Variants in SHE observed in about 807,000 individuals in gnomAD.
The protein encoded by SHE is SH2 domain-containing adapter protein E.
SHE carries 11 observed loss-of-function variants against 49.8 expected under a neutral mutation model. The ratio of observed to expected loss-of-function variants is 0.22; its 90% CI spans 0.14 to 0.37. The LOEUF (loss-of-function observed/expected upper bound fraction) is 0.37, where lower values mean the gene tolerates loss of function less well. Among genes scored for constraint, SHE ranks in the 10% least tolerant of loss-of-function variants. The probability of loss-of-function intolerance (pLI) is 1.00; values close to 1 mark genes in which losing one functional copy is unlikely to be tolerated. For synonymous variants in SHE, 310 were observed against 278.1 expected (o/e 1.11, Z -1.14); for missense variants, 624 against 655.5 (o/e 0.95, Z 0.52).
At chr1:154,500,012 G>A (rs971796796) in intron 1 of SHE, among the ~76,000 whole-genome samples, 2 of 152,090 alleles carry the variant, frequency 1.3e-5, no homozygotes, top group African/African-American at 4.8e-5. Flanking sequence ...GGAAGCTCCA[G>A]GCCTTGCTCC....
downstream of SHE, among the ~76,000 whole-genome samples, chr1:154,475,146 G>A (rs1326430227): frequency 6.6e-6 from 1 of 152,154 alleles, no homozygotes; most frequent in Non-Finnish European, 1.5e-5. Flanking sequence ...AGGTGGGAGG[G>A]AGGCCGCCTT....
chr1:154,487,191 G>C (rs1692205920), intron 3 of SHE, among the ~76,000 whole-genome samples: 1 of 149,738 alleles, frequency 6.7e-6, no homozygotes, highest in Non-Finnish European at 1.5e-5. Flanking sequence ...AGAATCACTT[G>C]AACCCGGGAG....
At chr1:154,488,223 G>A (rs891209636) in intron 3 of SHE, among the ~76,000 whole-genome samples, 1 of 151,430 alleles carries the variant, frequency 6.6e-6, no homozygotes, top group African/African-American at 2.4e-5. Context: ...TTACAGGCAT[G>A]AGCCACCACA....
chr1:154,470,750 G>A (rs906445269), intron 1 of SHE, among the ~76,000 whole-genome samples: 1 of 152,200 alleles, frequency 6.6e-6, no homozygotes, highest in African/African-American at 2.4e-5. Flanking sequence ...TGAGGCAGGA[G>A]AATCGCTTGA....
At position 154,480,837 on chromosome 1, in the gene SHE, T is replaced by C. The variant is rs1691999380; in HGVS notation, c.*3312A>G. The C allele has an allele frequency of 1.0e-6, 1 of 985,402 alleles. No individual in the cohort carries two copies. Among genetic ancestry groups the C allele is most frequent in the Non-Finnish European group, 1.2e-6 (1 of 829,918 alleles). 61.0% of individuals were successfully genotyped at this position (985,402 alleles called of 1,614,324 possible). A position where few individuals can be genotyped will look rare whatever the true frequency, so the allele number is the denominator to read the frequency against. On this transcript the variant is annotated 3_prime_UTR_variant, in exon 6 of 6. Transcript: ENST00000304760. ...GATACAACTATGGTATCAAAGTAAA[T>C]AGCAAGGTCCTTTACTCTCTCTTCT...
downstream of SHE, among the ~76,000 whole-genome samples, chr1:154,475,868 C>T (rs1428067964): frequency 6.6e-6 from 1 of 151,992 alleles, no homozygotes; most frequent in Admixed American, 6.6e-5. Flanking sequence ...CTCCACCTCC[C>T]GGTTGGAGGT....
chr1:154,478,080 G>A (rs897540365), downstream of SHE, among the ~76,000 whole-genome samples: 2 of 152,046 alleles, frequency 1.3e-5, no homozygotes, highest in Admixed American at 6.6e-5. Flanking sequence ...TTCACTCAGC[G>A]TAATGGTCTG....
intron 1 of SHE, among the ~76,000 whole-genome samples, chr1:154,471,518 G>A (rs1691742051): frequency 6.6e-6 from 1 of 151,938 alleles, no homozygotes; most frequent in African/African-American, 2.4e-5. Flanking sequence ...AGGTTATAGT[G>A]AGCCATAATT....
rs1246830452 is a variant in SHE, at chr1:154,482,685, C to T, written c.*1464G>A. On this transcript the variant is annotated 3_prime_UTR_variant, in exon 6 of 6. Transcript: ENST00000304760. The stretch of plus-strand genomic sequence containing the variant: ...AGTACTCTTCTCACAGTATGCCATT[C>T]CCATGGTTTTTTTCACAGTAAATAA... The T allele has an allele frequency of 2.0e-6, 2 of 985,254 alleles. No homozygotes were observed. Among genetic ancestry groups the T allele is most frequent in the East Asian group, 1.1e-4 (1 of 8,830 alleles). The allele number at this position is 985,254 out of a possible 1,614,324, so 61.0% of individuals were successfully genotyped here. A position where few individuals can be genotyped will look rare whatever the true frequency, so the allele number is the denominator to read the frequency against.
Position 154,489,234 on chromosome 1 carries a change from C to T in SHE, c.841G>A (p.Asp281Asn). 1 of 1,614,178 alleles carries T rather than the reference C, an allele frequency of 6.2e-7. No individual in the cohort carries two copies. Among genetic ancestry groups the T allele is most frequent in the Non-Finnish European group, 8.5e-7 (1 of 1,180,018 alleles). ...AGCTGTGGCGGCTTCCCCAGGAGGTCCTTGGAACTCCGTCTTTTGGCCAAG... is the reference window on the plus strand; with the variant it reads ...AGCTGTGGCGGCTTCCCCAGGAGGTTCTTGGAACTCCGTCTTTTGGCCAAG... ...ETLAKRRSSKDLLGKPPQLYD... is the reference protein window; with the variant it reads ...ETLAKRRSSKNLLGKPPQLYD... The change falls in exon 3 of 6, where the codon GAC becomes AAC. Residue 281 changes from aspartate to asparagine, a missense_variant. Asp to Asn is a conservative substitution (Grantham distance 23, BLOSUM62 1). This residue lies in a region of SHE where 155 missense variants were observed against 142.0 expected (regional missense o/e 1.09). Coordinates refer to ENST00000304760, the MANE Select transcript of SHE (RefSeq NM_001010846.3).
Position 154,482,987 on chromosome 1 carries a change from T to C in SHE, c.*1162A>G. The C allele has an allele frequency of 3.0e-6, 3 of 984,940 alleles. No individual in the cohort carries two copies. The highest frequency in any genetic ancestry group is 4.7e-5 in the South Asian group (1 of 21,278). 61.0% of individuals were successfully genotyped at this position (984,940 alleles called of 1,614,324 possible). A position where few individuals can be genotyped will look rare whatever the true frequency, so the allele number is the denominator to read the frequency against. ...CCATAGCAACTAAAATGCCCAATGA[T>C]GATGAAACAAAAGACATCGAAGTTC... On this transcript the variant is annotated 3_prime_UTR_variant, in exon 6 of 6. Coordinates refer to ENST00000304760, the MANE Select transcript of SHE (RefSeq NM_001010846.3).
At chr1:154,493,053 C>T (rs1692415965) in intron 2 of SHE, among the ~76,000 whole-genome samples, 1 of 152,192 alleles carries the variant, frequency 6.6e-6, no homozygotes, top group Admixed American at 6.5e-5. Flanking sequence ...GTTCTTATTA[C>T]ACACGCGTTT....
chr1:154,474,942 G>T (rs949968461), downstream of SHE, among the ~76,000 whole-genome samples: 1 of 152,242 alleles, frequency 6.6e-6, no homozygotes, highest in African/African-American at 2.4e-5. Context: ...ACTGTGCTGG[G>T]TGTGGGGTAC....
chr1:154,489,012 T>A, intron 3 of SHE, 39 bp downstream of exon 3: 1 of 1,516,888 alleles, frequency 6.6e-7, no homozygotes, highest in South Asian at 1.3e-5. Flanking sequence ...GCCAGAAGAC[T>A]GAAGTCACAC....
At chr1:154,476,339 T>A (rs1347071017), downstream of SHE, among the ~76,000 whole-genome samples, 1 of 152,104 alleles carries the variant, frequency 6.6e-6, no homozygotes, top group East Asian at 1.9e-4. Context: ...GAGAAGACCC[T>A]GTCTCAAAAA....
Position 154,486,021 on chromosome 1 carries a change from CGACTCTCAGCCTCAGCACGGCTGA to C in SHE, c.1199_1222del (p.Ile400_Ser407del). 6.2e-7 allele frequency: 1 copy of C among 1,613,998 alleles called. No homozygotes were observed. The highest frequency in any genetic ancestry group is 8.5e-7 in the Non-Finnish European group (1 of 1,179,950). On this transcript the variant is annotated inframe_deletion, in exon 5 of 6. Transcript: ENST00000304760. ...ACCAGCTTCTTTGCAGGGCTGTAGT[CGACTCTCAGCCTCAGCACGGCTGA>C]TGGCACCATGATACCAGCTGAAAAA...
chr1:154,499,340 C>CA (rs1453122480), intron 1 of SHE, 102 bp from the exon 2 acceptor site: 13 of 1,342,664 alleles, frequency 9.7e-6, no homozygotes, highest in Non-Finnish European at 1.3e-5. Context: ...CCAAGGAGGT[C>CA]AAAATCTCTA....
chr1:154,487,489 A>G (rs938808271), intron 3 of SHE, among the ~76,000 whole-genome samples: 3 of 151,896 alleles, frequency 2.0e-5, no homozygotes, highest in Non-Finnish European at 2.9e-5. Flanking sequence ...GGCTGGAGAG[A>G]AGGAGATGAA....
In SHE at chr1:154,489,141, T is replaced by G. The variant is rs776353649; in HGVS notation, c.934A>C (p.Ser312Arg). 6.2e-7 allele frequency: 1 copy of G among 1,613,964 alleles called. No homozygotes were observed. Among genetic ancestry groups the G allele is most frequent in the Admixed American group, 1.7e-5 (1 of 59,998 alleles). The change falls in exon 3 of 6, where the codon AGC becomes CGC. Residue 312 changes from serine to arginine, a missense_variant. Physicochemically the swap from Ser to Arg is moderately radical, Grantham distance 110. Coordinates refer to ENST00000304760, the MANE Select transcript of SHE (RefSeq NM_001010846.3). ...CTCTCGTCGTTCTCGGGCAGCCGGC[T>G]GTCTGGGGGCCGCGCCTTCCCCTCT... ...RAEGKARPPD[S>R]RLPENDERPA...
Sources: gnomAD v4.1 joint callset for allele counts (sites outside exome capture counted in the v4.1 genomes callset) on GRCh38, gnomAD v4.1.1 for gene constraint, gnomAD v4.1.1 regional missense constraint, MANE v1.5 for transcripts, NCBI Gene and HGNC (gene_info 2026-07-23, HGNC 2026-07-21) for gene names.